PIAS1: variants seen among roughly 807,000 people sequenced by gnomAD.
PIAS1 encodes the protein E3 SUMO-protein ligase PIAS1.
In PIAS1, 6 loss-of-function variants were observed where a neutral mutation model predicts 71.3. That is an observed-to-expected ratio of 0.08 (90% CI 0.05 to 0.17). The LOEUF (loss-of-function observed/expected upper bound fraction) is 0.17. Among genes scored for constraint, PIAS1 ranks in the 10% least tolerant of loss-of-function variants. The pLI, the probability that PIAS1 is intolerant of heterozygous loss-of-function variation, is 1.00. For missense variants in PIAS1, 555 were observed against 793.6 expected, an observed-to-expected ratio of 0.70 and a Z score of 3.61; for synonymous variants, 303 against 292.9, an observed-to-expected ratio of 1.03 and a Z score of -0.35.
In PIAS1 at chr15:68,171,041, C is replaced by CA. The variant is rs1335589038; in HGVS notation, c.1009-2686dup. ...AACACAAGCACATTGTACAGCTGTA[C>CA]AAAAATATTTTCTTTCTTTATATCC... is the stretch of plus-strand genomic sequence containing the variant. On this transcript the variant is annotated intron_variant, in intron 8 of 13. Coordinates refer to ENST00000249636, the MANE Select transcript of PIAS1 (RefSeq NM_016166.3). This position sits in a 1 kb window ranked among gnomAD's most constrained non-coding sequence, Gnocchi z 4.4. Among the ~76,000 whole-genome samples the CA allele has an allele frequency of 2.1e-5, 3 of 142,246 alleles. No individual in the cohort carries two copies. Among genetic ancestry groups the CA allele is most frequent in the Non-Finnish European group, 4.8e-5 (3 of 61,888 alleles). The allele number at this position is 142,246 out of a possible 152,430, so 93.3% of individuals were successfully genotyped here.
At chr15:68,162,832 T>TC (rs1360760460) in intron 7 of PIAS1, among the ~76,000 whole-genome samples, 2 of 152,156 alleles carry the variant, frequency 1.3e-5, no homozygotes, top group Non-Finnish European at 2.9e-5. Context: ...TACCTCAGGC[T>TC]CCCAAGTAGC....
intron 2 of PIAS1, among the ~76,000 whole-genome samples, chr15:68,135,117 C>T (rs1366483547): frequency 1.2e-4 from 6 of 48,898 alleles, no homozygotes; most frequent in Admixed American, 4.8e-4. Context: ...ACCTCCCTCC[C>T]GGACGGGGCG....
chr15:68,089,013 C>G (rs2092311445), intron 2 of PIAS1, among the ~76,000 whole-genome samples: 1 of 152,162 alleles, frequency 6.6e-6, no homozygotes. Context: ...GCTAGTTGAT[C>G]ACAACTATCA....
intron 6 of PIAS1, among the ~76,000 whole-genome samples, chr15:68,151,427 A>G (rs539340918): frequency 1.5e-4 from 23 of 152,168 alleles, no homozygotes; most frequent in South Asian, 8.3e-4. Flanking sequence ...CAAGTTGTCA[A>G]TACATAGTTT....
In PIAS1 at chr15:68,189,847, TGTC is replaced by T. The variant is rs2093110861; in HGVS notation, c.*2015_*2017del. On this transcript the variant is annotated 3_prime_UTR_variant, in exon 14 of 14. Coordinates refer to ENST00000249636, the MANE Select transcript of PIAS1 (RefSeq NM_016166.3). ...TGAATCTGGCATTATAGTGAGCAAA[TGTC>T]GTATTAATTTAGGCTAATTTCTAAT... 1 of 152,124 alleles carries T rather than the reference TGTC, an allele frequency of 6.6e-6. No homozygotes were observed. 9.4% of individuals were successfully genotyped at this position (152,124 alleles called of 1,614,324 possible).
chr15:68,181,575 T>C, intron 12 of PIAS1: 1 of 459,574 alleles, frequency 2.2e-6, no homozygotes, highest in Non-Finnish European at 3.9e-6. Context: ...GTGGTAAAAC[T>C]AGTGCAATAA....
chr15:68,134,875 G>A (rs1175893265), intron 2 of PIAS1, among the ~76,000 whole-genome samples: 2 of 51,634 alleles, frequency 3.9e-5, no homozygotes, highest in Non-Finnish European at 7.9e-5. Context: ...CGGACGGGGC[G>A]GCTGGCCGGG....
intron 6 of PIAS1, among the ~76,000 whole-genome samples, chr15:68,152,899 CTTTTT>C (rs71287005): frequency 2.5e-5 from 3 of 121,942 alleles, no homozygotes; most frequent in African/African-American, 9.2e-5. Flanking sequence ...TTTGGCTTTT[CTTTTT>C]TTTTTTTTTT....
intron 7 of PIAS1, among the ~76,000 whole-genome samples, chr15:68,158,230 C>G (rs974070807): frequency 1.1e-4 from 17 of 152,124 alleles, no homozygotes; most frequent in African/African-American, 4.1e-4. Context: ...TTTAAACTTT[C>G]CATGACGTGG....
chr15:68,127,602 G>A (rs1425774125), intron 2 of PIAS1, among the ~76,000 whole-genome samples: 1 of 151,682 alleles, frequency 6.6e-6, no homozygotes, highest in Non-Finnish European at 1.5e-5. Context: ...TCCTCATTTG[G>A]GTTTATTCTT....
chr15:68,151,306 A>G (rs1462464360), intron 6 of PIAS1, among the ~76,000 whole-genome samples: 1 of 151,976 alleles, frequency 6.6e-6, no homozygotes, highest in African/African-American at 2.4e-5. Flanking sequence ...ATTTGCTTAC[A>G]TGTTTCAACT....
intron 2 of PIAS1, among the ~76,000 whole-genome samples, chr15:68,106,478 A>T (rs575567239): frequency 1.5e-4 from 23 of 152,354 alleles, no homozygotes; most frequent in Admixed American, 1.3e-3. Flanking sequence ...CAAAAGTGAA[A>T]TAGTAGAAGC....
intron 2 of PIAS1, among the ~76,000 whole-genome samples, chr15:68,120,544 C>T (rs1350827162): frequency 1.3e-5 from 2 of 152,024 alleles, no homozygotes; most frequent in African/African-American, 2.4e-5. Context: ...GTCTTTAATT[C>T]GTCACGACCC....
intron 2 of PIAS1, among the ~76,000 whole-genome samples, chr15:68,135,008 G>T (rs1354969805): frequency 6.5e-5 from 3 of 45,834 alleles, no homozygotes; most frequent in African/African-American, 8.9e-5. Context: ...GCGGCTGGCC[G>T]GGCAGAGGGG....
chr15:68,186,185 A>C lies in PIAS1; in HGVS notation c.1663-1357A>C, dbSNP rs1303138626. On this transcript the variant is annotated intron_variant, in intron 13 of 13. Coordinates refer to ENST00000249636, the MANE Select transcript of PIAS1 (RefSeq NM_016166.3). This position sits in a 1 kb window ranked among gnomAD's most constrained non-coding sequence, Gnocchi z 4.4. ...TGTTCCAGAAGATTGTTGTCATAGC[A>C]AATGACAGCTCCATGCATGCTATTT... is the stretch of plus-strand genomic sequence containing the variant. Among the ~76,000 whole-genome samples, 1 of 152,198 alleles carries C rather than the reference A, an allele frequency of 6.6e-6. No individual in the cohort carries two copies. Among genetic ancestry groups the C allele is most frequent in the African/African-American group, 2.4e-5 (1 of 41,458 alleles).
At chr15:68,075,179 A>G (rs2046789) in intron 1 of PIAS1, among the ~76,000 whole-genome samples, 5,017 of 134,954 alleles carry the variant, frequency 0.037, 202 homozygotes, top group African/African-American at 0.11. Context: ...CCGCCCCCCC[A>G]GGTTCAAGCA....
chr15:68,101,257 A>T (rs1181053827), intron 2 of PIAS1, among the ~76,000 whole-genome samples: 2 of 149,288 alleles, frequency 1.3e-5, no homozygotes, highest in Non-Finnish European at 3.0e-5. Flanking sequence ...ACATCCTTTT[A>T]TTTGTTTATT....
At chr15:68,091,115 A>T (rs992178907) in intron 2 of PIAS1, among the ~76,000 whole-genome samples, 1 of 152,066 alleles carries the variant, frequency 6.6e-6, no homozygotes, top group Admixed American at 6.6e-5. Flanking sequence ...TGTTTGAAAT[A>T]CCTTATTGCT....
chr15:68,170,468 T>TA (rs2092984511), intron 8 of PIAS1, among the ~76,000 whole-genome samples: 2 of 152,274 alleles, frequency 1.3e-5, no homozygotes, highest in South Asian at 4.1e-4. Context: ...ATGGGGCACT[T>TA]ACTATGAATG....
Sources: allele counts gnomAD v4.1 joint callset (sites outside exome capture counted in the v4.1 genomes callset), GRCh38; gene constraint gnomAD v4.1.1; non-coding constraint Gnocchi (gnomAD v3.1); transcripts MANE v1.5; gene names NCBI Gene and HGNC (gene_info 2026-07-23, HGNC 2026-07-21).